Variants in EMC3 observed in about 807,000 individuals in gnomAD.
EMC3 encodes the protein 30 kDa protein.
A neutral mutation model predicts 36.6 loss-of-function variants in EMC3; 13 were observed. The ratio of observed to expected loss-of-function variants is 0.35; its 90% CI spans 0.23 to 0.56. EMC3 has a LOEUF of 0.56. Among genes scored for constraint, EMC3 ranks in the 20% least tolerant of loss-of-function variants. The pLI is 0.84. For synonymous variants in EMC3, 120 were observed against 111.9 expected (o/e 1.07, Z -0.46); for missense variants, 220 against 324.5 (o/e 0.68, Z 2.47).
At chr3:9,989,555 G>T (rs2086020762), upstream of EMC3, among the ~76,000 whole-genome samples, 1 of 152,180 alleles carries the variant, frequency 6.6e-6, no homozygotes. Flanking sequence ...AATCTGTTTT[G>T]TGGGATTTTT....
intron 1 of EMC3, among the ~76,000 whole-genome samples, chr3:9,996,427 AGAGT>A (rs1365554269): frequency 6.6e-6 from 1 of 152,202 alleles, no homozygotes; most frequent in Non-Finnish European, 1.5e-5. Context: ...CCTGGGCAAC[AGAGT>A]GAGACTCTAT....
upstream of EMC3, chr3:9,988,455 C>G (rs1450144007): frequency 1.9e-5 from 26 of 1,364,942 alleles, no homozygotes; most frequent in Non-Finnish European, 2.5e-5. Context: ...TATGAGAAAA[C>G]CATTTCAGAA....
chr3:9,985,319 G>C (rs763470144), intron 1 of EMC3, among the ~76,000 whole-genome samples: 8 of 152,202 alleles, frequency 5.3e-5, no homozygotes, highest in Non-Finnish European at 1.0e-4. Flanking sequence ...TTCTTAGCCT[G>C]AGGCTTACTC....
chr3:9,970,945 C>G (rs985733044), intron 5 of EMC3, among the ~76,000 whole-genome samples: 1 of 148,854 alleles, frequency 6.7e-6, no homozygotes, highest in African/African-American at 2.5e-5. Context: ...TTTTTTGAGA[C>G]GGAGTCTCAC....
Position 9,962,695 on chromosome 3 carries a change from G to A in EMC3, c.*1374C>T, listed in dbSNP as rs2085699863. The A allele has an allele frequency of 6.5e-6, 1 of 152,700 alleles. No homozygotes were observed. The highest frequency in any genetic ancestry group is 2.4e-5 in the African/African-American group (1 of 41,534). The allele number at this position is 152,700 out of a possible 1,614,324, so 9.5% of individuals were successfully genotyped here. ...TTCACAGGCAAAGAAGAGAAAACAG[G>A]ACGGTTTAATTTGTGGAGTCGAGTC... On this transcript the variant is annotated 3_prime_UTR_variant, in exon 8 of 8. Coordinates refer to ENST00000245046, the MANE Select transcript of EMC3 (RefSeq NM_001394674.1).
In EMC3 at chr3:9,995,118, A is replaced by C. The variant is rs1252762971; in HGVS notation, c.-241-8216T>G. Among the ~76,000 whole-genome samples the C allele has an allele frequency of 7.9e-5, 12 of 151,676 alleles. No individual in the cohort carries two copies. In the South Asian group the frequency reaches 2.1e-3, roughly 26 times the overall value. On this transcript the variant is annotated intron_variant, in intron 1 of 8. Coordinates refer to the EMC3 transcript ENST00000470827. Reference sequence around the variant, plus strand: ...TGTTGTAATTGAGAATTCTGTTATGACTTATGGAGTGACGGTATAAAGGGA... The same window carrying C: ...TGTTGTAATTGAGAATTCTGTTATGCCTTATGGAGTGACGGTATAAAGGGA...
chr3:9,978,145 T>TCACAAAAAAAAAAAA (rs2085869217), intron 1 of EMC3: 1 of 27,252 alleles, frequency 3.7e-5, no homozygotes, highest in Non-Finnish European at 6.5e-5. Context: ...ACCCTGTCTC[T>TCACAAAAAAAAAAAA]AAAAAAAAAA....
chr3:9,987,039 C>T, upstream of EMC3: 1 of 982,578 alleles, frequency 1.0e-6, no homozygotes, highest in Non-Finnish European at 1.2e-6. Flanking sequence ...CAGGTGAAAC[C>T]CTGTCTCTAC....
chr3:9,988,641 G>A, upstream of EMC3: 1 of 936,464 alleles, frequency 1.1e-6, no homozygotes, highest in Middle Eastern at 2.1e-4. Flanking sequence ...AGATAACAGG[G>A]CATGCTGAAT....
intron 1 of EMC3, among the ~76,000 whole-genome samples, chr3:9,985,195 T>C (rs2085957114): frequency 6.6e-6 from 1 of 152,214 alleles, no homozygotes; most frequent in Non-Finnish European, 1.5e-5. Context: ...AAGGAATCTT[T>C]AAATTACCAG....
chr3:10,009,493 T>C (rs1010611906), intron 1 of EMC3, among the ~76,000 whole-genome samples: 1 of 152,176 alleles, frequency 6.6e-6, no homozygotes. Flanking sequence ...GATTCCTCCC[T>C]TTACTTTCCT....
chr3:9,983,718 C>T (rs150747799), intron 1 of EMC3, among the ~76,000 whole-genome samples: 13 of 152,176 alleles, frequency 8.5e-5, no homozygotes, highest in African/African-American at 2.9e-4. Flanking sequence ...CTGTGAATTT[C>T]ATTTTGTGGT....
At chr3:9,973,188 TTTTGTTTG>T (rs375164713) in intron 5 of EMC3, among the ~76,000 whole-genome samples, 2 of 149,716 alleles carry the variant, frequency 1.3e-5, no homozygotes, top group South Asian at 2.1e-4. Context: ...TGTTTTCGTT[TTTTGTTTG>T]TTTGTTTGTT....
chr3:9,979,749 G>A (rs2085889446), intron 1 of EMC3, among the ~76,000 whole-genome samples: 1 of 152,188 alleles, frequency 6.6e-6, no homozygotes, highest in Admixed American at 6.5e-5. Flanking sequence ...TAACCAGGAG[G>A]TGATGGAGTC....
In EMC3 at chr3:9,964,147, A is replaced by G; in HGVS notation, c.708T>C (p.Asp236=). The change falls in exon 8 of 8, where the codon GAT becomes GAC. Residue 236 remains aspartate (D), a synonymous_variant. Transcript: ENST00000245046. ...ELTDHQWALD[D]VEEELMAKDL... The stretch of plus-strand genomic sequence containing the variant: ...CTTTGGCCATGAGCTCTTCTTCGAC[A>G]TCATCTAGTGCCCACTGGTGATCCG... 1.2e-6 allele frequency: 2 copies of G among 1,614,158 alleles called. No individual in the cohort carries two copies. Among genetic ancestry groups the G allele is most frequent in the South Asian group, 1.1e-5 (1 of 91,088 alleles).
intron 1 of EMC3, among the ~76,000 whole-genome samples, chr3:9,985,631 C>G (rs1345195694): frequency 6.6e-6 from 1 of 152,172 alleles, no homozygotes; most frequent in African/African-American, 2.4e-5. Flanking sequence ...TGCCATGGCT[C>G]ACACCTGTAA....
chr3:9,990,914 C>A (rs975026713), upstream of EMC3, among the ~76,000 whole-genome samples: 22 of 151,820 alleles, frequency 1.4e-4, no homozygotes, highest in Admixed American at 9.2e-4. Context: ...CTGCAAGCTC[C>A]GCCTCCCGGG....
chr3:9,997,196 G>A (rs2086136332), intron 1 of EMC3, among the ~76,000 whole-genome samples: 1 of 150,722 alleles, frequency 6.6e-6, no homozygotes, highest in Non-Finnish European at 1.5e-5. Flanking sequence ...CTTGTGTCTT[G>A]CTTATTTCAC....
intron 1 of EMC3, among the ~76,000 whole-genome samples, chr3:9,980,545 G>GTTTT (rs1368340718): frequency 7.4e-6 from 1 of 135,296 alleles, no homozygotes; most frequent in African/African-American, 2.8e-5. Flanking sequence ...TTTGTGTTTT[G>GTTTT]TTTTTTTTGT....
Sources: allele counts gnomAD v4.1 joint callset (sites outside exome capture counted in the v4.1 genomes callset), GRCh38; gene constraint gnomAD v4.1.1; transcripts MANE v1.5; gene names NCBI Gene and HGNC (gene_info 2026-07-23, HGNC 2026-07-21).